TRIP4: variants seen among roughly 807,000 people sequenced by gnomAD.
The protein encoded by TRIP4 is activating signal cointegrator 1.
In TRIP4, 54 loss-of-function variants were observed where a neutral mutation model predicts 81.8. The ratio of observed to expected loss-of-function variants is 0.66; its 90% CI spans 0.53 to 0.83. The LOEUF (loss-of-function observed/expected upper bound fraction) is 0.83, where lower values mean the gene tolerates loss of function less well. TRIP4 is among the 40% of genes least tolerant of loss of function. TRIP4 has a pLI of 0.00. For synonymous variants in TRIP4, 270 were observed against 242.8 expected, an observed-to-expected ratio of 1.11 and a Z score of -1.04; for missense variants, 662 against 683.6, an observed-to-expected ratio of 0.97 and a Z score of 0.35.
At position 64,398,555 on chromosome 15, in the gene TRIP4, G is replaced by T. The variant is rs116541823; in HGVS notation, c.618+737G>T. 8.2e-3 allele frequency among the ~76,000 whole-genome samples: 1,247 copies of T among 152,090 alleles called. 16 individuals carry two copies. Among genetic ancestry groups the T allele is most frequent in the African/African-American group, 0.029 (1,197 of 41,464 alleles). ...TTGATCCCAGGACGTCCAGGCTGCA[G>T]TGAGACAGCGAGTCCTTATCTCAGA... is the stretch of plus-strand genomic sequence containing the variant. On this transcript the variant is annotated intron_variant, in intron 4 of 12. Transcript: ENST00000261884.
intron 5 of TRIP4, among the ~76,000 whole-genome samples, chr15:64,403,196 G>T (rs140925713): frequency 1.3e-5 from 2 of 149,338 alleles, no homozygotes; most frequent in African/African-American, 4.9e-5. Flanking sequence ...TCGCTCTTTC[G>T]CCCGGGCTGG....
chr15:64,412,952 A>T (rs1350315850), intron 7 of TRIP4, among the ~76,000 whole-genome samples: 1 of 152,136 alleles, frequency 6.6e-6, no homozygotes, highest in Non-Finnish European at 1.5e-5. Context: ...ATAACAGGGG[A>T]TGTATCCAAT....
At chr15:64,437,382 A>T (rs985379287) in intron 11 of TRIP4, among the ~76,000 whole-genome samples, 1 of 151,226 alleles carries the variant, frequency 6.6e-6, no homozygotes, top group Non-Finnish European at 1.5e-5. Context: ...GCACCATTGC[A>T]CTCCAACCTG....
chr15:64,392,050 A>G (rs896428832), intron 1 of TRIP4, among the ~76,000 whole-genome samples: 2 of 150,824 alleles, frequency 1.3e-5, no homozygotes, highest in Non-Finnish European at 3.0e-5. Flanking sequence ...TGAGGCGGGC[A>G]AATCACTTGA....
chr15:64,452,262 A>G (rs1439738761), intron 12 of TRIP4, among the ~76,000 whole-genome samples: 3 of 152,210 alleles, frequency 2.0e-5, no homozygotes, highest in African/African-American at 7.2e-5. Flanking sequence ...GATTGCAGGC[A>G]TGAGCCACCA....
In TRIP4 at chr15:64,424,228, C is replaced by T; in HGVS notation, c.1483+73C>T. On this transcript the variant is annotated intron_variant, in intron 10 of 12. Transcript: ENST00000261884. Reference sequence around the variant, plus strand: ...CATTGACGTTCATCTTCTTTCACTTCCTTCTTTCTTTGGCTTTTTCTTTGT... The same window carrying T: ...CATTGACGTTCATCTTCTTTCACTTTCTTCTTTCTTTGGCTTTTTCTTTGT... 2.5e-6 allele frequency: 4 copies of T among 1,584,990 alleles called. No individual in the cohort carries two copies. In the Admixed American group the frequency reaches 5.4e-5, roughly 22 times the overall value.
intron 11 of TRIP4, among the ~76,000 whole-genome samples, chr15:64,443,136 G>A (rs1226166382): frequency 6.6e-6 from 1 of 152,172 alleles, no homozygotes; most frequent in African/African-American, 2.4e-5. Flanking sequence ...AAGTAGGAGA[G>A]GAATTAAAGG....
intron 12 of TRIP4, among the ~76,000 whole-genome samples, chr15:64,454,456 C>T (rs1027510661): frequency 5.9e-5 from 9 of 152,108 alleles, no homozygotes; most frequent in Admixed American, 5.2e-4. Flanking sequence ...TAGCCTATGA[C>T]CTTTAACCTT....
intron 9 of TRIP4, among the ~76,000 whole-genome samples, chr15:64,423,080 T>A (rs1318518043): frequency 6.6e-6 from 1 of 152,214 alleles, no homozygotes; most frequent in East Asian, 1.9e-4. Context: ...AATTAAATTC[T>A]CCTGAATACA....
intron 12 of TRIP4, 142 bp from the exon 13 acceptor site, chr15:64,454,855 C>G (rs778557281): frequency 1.2e-4 from 84 of 685,254 alleles, no homozygotes; most frequent in Admixed American, 4.9e-4. Flanking sequence ...GAATGAAACT[C>G]TGAAGTTTGG....
At chr15:64,419,376 T>C (rs75903057) in intron 9 of TRIP4, among the ~76,000 whole-genome samples, 1 of 152,068 alleles carries the variant, frequency 6.6e-6, no homozygotes, top group Non-Finnish European at 1.5e-5. Context: ...TCTTTTTTTT[T>C]AAAGACCGAG....
At chr15:64,454,659 G>A (rs1382364133) in intron 12 of TRIP4, among the ~76,000 whole-genome samples, 1 of 152,172 alleles carries the variant, frequency 6.6e-6, no homozygotes, top group Non-Finnish European at 1.5e-5. Flanking sequence ...TGAAATGCCT[G>A]CCTTTATTGC....
chr15:64,435,423 G>A (rs1181419069), intron 11 of TRIP4, among the ~76,000 whole-genome samples: 1 of 151,088 alleles, frequency 6.6e-6, no homozygotes, highest in East Asian at 1.9e-4. Context: ...CTACTCGGAA[G>A]GGTGAGGCAG....
intron 8 of TRIP4, among the ~76,000 whole-genome samples, chr15:64,416,548 C>A (rs1398066385): frequency 6.6e-6 from 1 of 152,114 alleles, no homozygotes; most frequent in Admixed American, 6.6e-5. Context: ...CAGAGCAAGA[C>A]AGTGTCTCAA....
intron 11 of TRIP4, among the ~76,000 whole-genome samples, chr15:64,435,767 G>T (rs574665219): frequency 5.9e-4 from 76 of 129,196 alleles, no homozygotes; most frequent in African/African-American, 2.2e-3. Flanking sequence ...GGACCCAACT[G>T]TTAACTTTGC....
At chr15:64,440,599 C>T (rs1244084108) in intron 11 of TRIP4, among the ~76,000 whole-genome samples, 1 of 151,936 alleles carries the variant, frequency 6.6e-6, no homozygotes, top group Non-Finnish European at 1.5e-5. Context: ...ACCTCTGTTT[C>T]TTGTAAGCCC....
intron 6 of TRIP4, 121 bp downstream of exon 6, chr15:64,406,580 G>T (rs1233690931): frequency 9.7e-6 from 12 of 1,232,892 alleles, no homozygotes; most frequent in Admixed American, 2.7e-5. Flanking sequence ...CAAAAGAAGA[G>T]CCAGATGCTC....
At chr15:64,440,999 T>G (rs559854271) in intron 11 of TRIP4, among the ~76,000 whole-genome samples, 2 of 152,100 alleles carry the variant, frequency 1.3e-5, no homozygotes, top group African/African-American at 4.8e-5. Context: ...CATTTTTTTT[T>G]TTTTTATTTT....
chr15:64,415,926 G>T (rs1385531343), intron 8 of TRIP4, among the ~76,000 whole-genome samples: 2 of 152,214 alleles, frequency 1.3e-5, no homozygotes, highest in Admixed American at 1.3e-4. Flanking sequence ...CCTACGTAGA[G>T]AATGGATTGG....
Sources: allele counts gnomAD v4.1 joint callset (sites outside exome capture counted in the v4.1 genomes callset), GRCh38; gene constraint gnomAD v4.1.1; transcripts MANE v1.5; gene names NCBI Gene and HGNC (gene_info 2026-07-23, HGNC 2026-07-21).